SPTLC1: variants seen among roughly 807,000 people sequenced by gnomAD.
SPTLC1 encodes serine palmitoyltransferase long chain base subunit 1.
Under a neutral mutation model 68.9 loss-of-function variants are expected in SPTLC1, and 55 were observed. That is an observed-to-expected ratio of 0.80 (90% CI 0.64 to 1.00). The LOEUF is 1.00. Among genes scored for constraint, SPTLC1 ranks in the 50% least tolerant of loss-of-function variants. The pLI, the probability that SPTLC1 is intolerant of heterozygous loss-of-function variation, is 0.00. For missense variants in SPTLC1, 449 were observed against 573.1 expected (o/e 0.78, Z 2.21); for synonymous variants, 197 against 201.6 (o/e 0.98, Z 0.19).
chr9:92,098,042 G>A (rs373960474), intron 3 of SPTLC1, among the ~76,000 whole-genome samples: 4 of 152,144 alleles, frequency 2.6e-5, no homozygotes, highest in South Asian at 2.1e-4. Context: ...GGACTCCGGT[G>A]AAGACTCCAA....
intron 3 of SPTLC1, among the ~76,000 whole-genome samples, chr9:92,100,998 C>T (rs1487527161): frequency 1.3e-5 from 2 of 152,100 alleles, no homozygotes; most frequent in East Asian, 1.9e-4. Context: ...AACAGGTGAC[C>T]GTGTCAACAG....
At chr9:92,115,238 C>T in intron 1 of SPTLC1, 76 bp downstream of exon 1, 2 of 1,470,422 alleles carry the variant, frequency 1.4e-6, no homozygotes, top group South Asian at 1.1e-5. Context: ...AGGTCTCAGG[C>T]CACAAATCCA....
intron 14 of SPTLC1, among the ~76,000 whole-genome samples, chr9:92,032,879 A>T (rs1474562304): frequency 6.6e-6 from 1 of 151,784 alleles, no homozygotes; most frequent in East Asian, 1.9e-4. Flanking sequence ...CTGTCTCAAA[A>T]AAAAAAAAAA....
chr9:92,045,762 G>A (rs984995858), intron 12 of SPTLC1, among the ~76,000 whole-genome samples: 2 of 151,994 alleles, frequency 1.3e-5, no homozygotes, highest in East Asian at 1.9e-4. Context: ...TCTATCTTCT[G>A]TACTGCTGTA....
At chr9:92,088,796 G>A (rs908365943) in intron 3 of SPTLC1, among the ~76,000 whole-genome samples, 2 of 152,216 alleles carry the variant, frequency 1.3e-5, no homozygotes, top group Non-Finnish European at 2.9e-5. Context: ...AGAAATGGAA[G>A]TCTCAGACCT....
At chr9:92,077,900 C>A (rs892787220) in intron 5 of SPTLC1, among the ~76,000 whole-genome samples, 35 of 152,242 alleles carry the variant, frequency 2.3e-4, no homozygotes, top group African/African-American at 7.0e-4. Flanking sequence ...CACTCCCATT[C>A]CCTTGCCACC....
intron 7 of SPTLC1, among the ~76,000 whole-genome samples, chr9:92,058,808 T>G (rs1201469925): frequency 6.6e-6 from 1 of 152,196 alleles, no homozygotes; most frequent in Non-Finnish European, 1.5e-5. Context: ...TATTCTGGTA[T>G]GAATAAGCCT....
intron 3 of SPTLC1, among the ~76,000 whole-genome samples, chr9:92,099,837 A>T (rs374045570): frequency 6.6e-6 from 1 of 152,098 alleles, no homozygotes; most frequent in Non-Finnish European, 1.5e-5. Flanking sequence ...CCATTTTACT[A>T]CAACTGCCTA....
rs944974193 is a variant in SPTLC1, at chr9:92,048,825, T to C, written c.889-1117A>G. ...CTCTGATTGTCTCACCAAATTTTCT[T>C]TTAACAGCATTTGTTTGAATCAGGA... is the stretch of plus-strand genomic sequence containing the variant. On this transcript the variant is annotated intron_variant, in intron 9 of 14. Coordinates refer to ENST00000262554, the MANE Select transcript of SPTLC1 (RefSeq NM_006415.4). Among the ~76,000 whole-genome samples, 21 of 152,220 alleles carry C rather than the reference T, an allele frequency of 1.4e-4. 1 individual carries two copies. Among genetic ancestry groups the C allele is most frequent in the South Asian group, 6.2e-4 (3 of 4,828 alleles).
At chr9:92,036,748 C>T (rs56208357) in intron 13 of SPTLC1, among the ~76,000 whole-genome samples, 24,351 of 152,160 alleles carry the variant, frequency 0.16, 2,822 homozygotes, top group African/African-American at 0.33. Flanking sequence ...TGTATAAATG[C>T]GTTTTAGTTT....
chr9:92,055,644 T>G, intron 7 of SPTLC1, 150 bp from the exon 8 acceptor site: 1 of 817,286 alleles, frequency 1.2e-6, no homozygotes, highest in Non-Finnish European at 2.0e-6. Flanking sequence ...ATGGGTTATT[T>G]TGAGATGAAC....
chr9:92,032,367 C>T lies in SPTLC1; in HGVS notation c.*98G>A. The T allele has an allele frequency of 3.8e-6, 6 of 1,596,128 alleles. No individual in the cohort carries two copies. Among genetic ancestry groups the T allele is most frequent in the Non-Finnish European group, 5.1e-6 (6 of 1,172,656 alleles). ...TGGTAACAATCCTATCAAAGATCCA[C>T]ATGTTCTTGCTCTCTTTCAGGCCAC... is the stretch of plus-strand genomic sequence containing the variant. On this transcript the variant is annotated 3_prime_UTR_variant, in exon 15 of 15. Coordinates refer to ENST00000262554, the MANE Select transcript of SPTLC1 (RefSeq NM_006415.4).
At chr9:92,050,142 T>C in intron 8 of SPTLC1, 75 bp from the exon 9 acceptor site, 1 of 941,562 alleles carries the variant, frequency 1.1e-6, no homozygotes, top group Non-Finnish European at 1.7e-6. Context: ...AAAATTAAGA[T>C]TAAAAAGTAT....
At chr9:92,100,413 T>C (rs1204548750) in intron 3 of SPTLC1, among the ~76,000 whole-genome samples, 7 of 152,196 alleles carry the variant, frequency 4.6e-5, no homozygotes, top group Non-Finnish European at 1.0e-4. Flanking sequence ...ACCCTGTCAT[T>C]ACAACAGCCT....
chr9:92,089,046 G>A (rs115244452), intron 3 of SPTLC1, among the ~76,000 whole-genome samples: 149 of 152,332 alleles, frequency 9.8e-4, no homozygotes, highest in African/African-American at 3.4e-3. Flanking sequence ...GCCCAAGAAC[G>A]CGAGACGCTG....
chr9:92,093,640 G>A (rs1835442040), intron 3 of SPTLC1, among the ~76,000 whole-genome samples: 1 of 152,154 alleles, frequency 6.6e-6, no homozygotes, highest in African/African-American at 2.4e-5. Flanking sequence ...AGTAATAAAT[G>A]ATAAGATATA....
At chr9:92,073,715 T>C (rs745802089) in intron 5 of SPTLC1, among the ~76,000 whole-genome samples, 3 of 152,184 alleles carry the variant, frequency 2.0e-5, no homozygotes, top group Non-Finnish European at 2.9e-5. Flanking sequence ...ATAACAGGAA[T>C]TAATCAACCC....
At chr9:92,057,746 GTGAAAATGAAAC>G (rs1305546527) in intron 7 of SPTLC1, among the ~76,000 whole-genome samples, 7 of 152,320 alleles carry the variant, frequency 4.6e-5, no homozygotes, top group African/African-American at 1.4e-4. Context: ...GATTATTTAT[GTGAAAATGAAAC>G]TGAAAATGAA....
chr9:92,055,328 TA>T (rs1482317814), intron 8 of SPTLC1, 76 bp downstream of exon 8: 2 of 1,601,898 alleles, frequency 1.2e-6, no homozygotes, highest in Non-Finnish European at 1.7e-6. Context: ...CGTTATACAC[TA>T]AAAGCGGTCA....
Sources: allele counts gnomAD v4.1 joint callset (sites outside exome capture counted in the v4.1 genomes callset), GRCh38; gene constraint gnomAD v4.1.1; transcripts MANE v1.5; gene names NCBI Gene and HGNC (gene_info 2026-07-23, HGNC 2026-07-21).